CDK14: variants seen among roughly 807,000 people sequenced by gnomAD.
CDK14 encodes cyclin-dependent kinase 14.
A neutral mutation model predicts 60.7 loss-of-function variants in CDK14; 34 were observed. The observed-to-expected ratio is 0.56, with a 90% CI of 0.43 to 0.75. CDK14 has a LOEUF of 0.75. Ranked by LOEUF, CDK14 falls within the 30% of genes least tolerant of loss-of-function variation. The pLI is 0.00. For missense variants in CDK14, 482 were observed against 564.1 expected (o/e 0.85, Z 1.47); for synonymous variants, 197 against 203.7 (o/e 0.97, Z 0.28).
At chr7:90,971,314 A>G (rs975004) in intron 9 of CDK14, among the ~76,000 whole-genome samples, 10,684 of 152,208 alleles carry the variant, frequency 0.07, 453 homozygotes, top group East Asian at 0.18. Context: ...GTATATGGTT[A>G]GTACAGTGGC....
intron 1 of CDK14, among the ~76,000 whole-genome samples, chr7:90,602,198 C>G (rs1799330952): frequency 6.6e-6 from 1 of 152,104 alleles, no homozygotes; most frequent in African/African-American, 2.4e-5. Context: ...AAAATAAAGA[C>G]AGTATATTTA....
intron 14 of CDK14, among the ~76,000 whole-genome samples, chr7:91,132,424 T>G (rs1800147486): frequency 6.6e-6 from 1 of 152,152 alleles, no homozygotes; most frequent in African/African-American, 2.4e-5. Flanking sequence ...GAAAGTCATT[T>G]GAAGCCCGAT....
intron 2 of CDK14, among the ~76,000 whole-genome samples, chr7:90,707,978 G>A (rs1801936572): frequency 1.3e-5 from 2 of 152,146 alleles, no homozygotes; most frequent in Admixed American, 1.3e-4. Flanking sequence ...ATAGATGAAA[G>A]ATTAAAGGAG....
intron 2 of CDK14, among the ~76,000 whole-genome samples, chr7:90,633,716 A>G (rs892269893): frequency 6.6e-6 from 1 of 152,192 alleles, no homozygotes; most frequent in African/African-American, 2.4e-5. Context: ...GGCATAATAA[A>G]TGCCTAAAAG....
intron 6 of CDK14, among the ~76,000 whole-genome samples, chr7:90,897,977 T>G (rs1348801797): frequency 6.6e-6 from 1 of 152,080 alleles, no homozygotes; most frequent in African/African-American, 2.4e-5. Context: ...AAAGGCAATT[T>G]TGTCTCAGAA....
chr7:90,790,212 G>A lies in CDK14; in HGVS notation c.465-361G>A, dbSNP rs568438566. Among the ~76,000 whole-genome samples the A allele has an allele frequency of 5.9e-5, 9 of 151,946 alleles. No homozygotes were observed. In the South Asian group the frequency reaches 1.2e-3, roughly 21 times the overall value. On this transcript the variant is annotated intron_variant, in intron 4 of 14. Coordinates refer to ENST00000380050, the MANE Select transcript of CDK14 (RefSeq NM_001287135.2). ...CATTTCAGCAGAAGGAACAAAGAGG[G>A]AGCTATTGGAGAAACAAAGGAACAG... is the stretch of plus-strand genomic sequence containing the variant.
intron 11 of CDK14, among the ~76,000 whole-genome samples, chr7:91,061,119 A>G (rs952904284): frequency 5.9e-5 from 9 of 152,098 alleles, no homozygotes; most frequent in African/African-American, 2.2e-4. Flanking sequence ...TTTTTTCTCT[A>G]AACTTCTCTT....
At chr7:91,111,926 A>G (rs1374327278) in intron 12 of CDK14, among the ~76,000 whole-genome samples, 1 of 152,086 alleles carries the variant, frequency 6.6e-6, no homozygotes, top group East Asian at 1.9e-4. Flanking sequence ...CTTGAGACAC[A>G]TATTTTCTAT....
chr7:90,987,252 GC>G (rs1348247219), intron 10 of CDK14, among the ~76,000 whole-genome samples: 2 of 151,810 alleles, frequency 1.3e-5, no homozygotes, highest in African/African-American at 4.8e-5. Context: ...CTATGACTAG[GC>G]TTTTAATAAG....
At position 90,917,639 on chromosome 7, in the gene CDK14, C is replaced by A; in HGVS notation, c.741C>A (p.Ile247=). The A allele has an allele frequency of 1.9e-6, 3 of 1,613,578 alleles. No homozygotes were observed. The highest frequency in any genetic ancestry group is 2.5e-6 in the Non-Finnish European group (3 of 1,179,600). ...AGTTGCTGCGAGGTCTGTCTTACATCCACCAGCGTTATATTTTGCACAGAG... is the reference window on the plus strand; with the variant it reads ...AGTTGCTGCGAGGTCTGTCTTACATACACCAGCGTTATATTTTGCACAGAG... ...LFQLLRGLSY[I]HQRYILHRDL... is the part of the protein sequence containing the mutation. Residue 247 remains isoleucine (I), a synonymous_variant, in exon 8 of 15, where the codon ATC becomes ATA. Transcript: ENST00000380050.
chr7:91,055,452 G>A (rs1797519494), intron 11 of CDK14, among the ~76,000 whole-genome samples: 1 of 152,136 alleles, frequency 6.6e-6, no homozygotes, highest in African/African-American at 2.4e-5. Context: ...ATGGAGACTA[G>A]CAGAATGTCT....
intron 4 of CDK14, among the ~76,000 whole-genome samples, chr7:90,786,535 C>T (rs1805589485): frequency 6.6e-6 from 1 of 152,130 alleles, no homozygotes; most frequent in African/African-American, 2.4e-5. Flanking sequence ...GTTTTTCATA[C>T]AGTAATATAT....
intron 2 of CDK14, among the ~76,000 whole-genome samples, chr7:90,637,625 G>A (rs1198307302): frequency 6.6e-6 from 1 of 151,812 alleles, no homozygotes; most frequent in Non-Finnish European, 1.5e-5. Context: ...ATTTGGGGTG[G>A]AGAGTTCTGT....
At chr7:90,769,470 C>CTTTTTT (rs10647062) in intron 4 of CDK14, among the ~76,000 whole-genome samples, 1 of 144,176 alleles carries the variant, frequency 6.9e-6, no homozygotes, top group African/African-American at 2.6e-5. Context: ...TTTCTCTTTT[C>CTTTTTT]TTTCTTTTTT....
chr7:90,929,037 T>C (rs1300988274), intron 8 of CDK14, among the ~76,000 whole-genome samples: 1 of 152,216 alleles, frequency 6.6e-6, no homozygotes, highest in Non-Finnish European at 1.5e-5. Context: ...CAGGATGTAA[T>C]CTCCTGGTGT....
At chr7:91,133,029 A>G (rs1474582043) in intron 14 of CDK14, among the ~76,000 whole-genome samples, 2 of 152,192 alleles carry the variant, frequency 1.3e-5, no homozygotes, top group Non-Finnish European at 2.9e-5. Context: ...TTTTGTGAAT[A>G]TATAATATTT....
intron 2 of CDK14, among the ~76,000 whole-genome samples, chr7:90,657,875 A>C (rs1228036345): frequency 1.3e-5 from 2 of 152,184 alleles, no homozygotes; most frequent in Non-Finnish European, 2.9e-5. Flanking sequence ...CCATGAGGAG[A>C]CCAAGGCCCA....
intron 2 of CDK14, among the ~76,000 whole-genome samples, chr7:90,695,690 A>G (rs950557066): frequency 6.6e-6 from 1 of 152,192 alleles, no homozygotes; most frequent in Non-Finnish European, 1.5e-5. Flanking sequence ...AGAAGGTGAC[A>G]TGTGAGTGTA....
At chr7:91,050,515 C>G (rs531600282) in intron 11 of CDK14, among the ~76,000 whole-genome samples, 35 of 150,070 alleles carry the variant, frequency 2.3e-4, no homozygotes, top group African/African-American at 7.6e-4. Context: ...TACTATATAA[C>G]CTGTATATCT....
Sources: allele counts gnomAD v4.1 joint callset (sites outside exome capture counted in the v4.1 genomes callset), GRCh38; gene constraint gnomAD v4.1.1; transcripts MANE v1.5; gene names NCBI Gene and HGNC (gene_info 2026-07-23, HGNC 2026-07-21).